The following COBLL1 variants were observed in gnomAD, a reference collection of about 807,000 sequenced individuals.
COBLL1 encodes cordon-bleu protein-like 1.
In COBLL1, 50 loss-of-function variants were observed where a neutral mutation model predicts 94.8. The observed-to-expected ratio is 0.53, with a 90% CI of 0.42 to 0.67. The LOEUF (loss-of-function observed/expected upper bound fraction) is 0.67. Among genes scored for constraint, COBLL1 ranks in the 30% least tolerant of loss-of-function variants. The pLI, the probability that COBLL1 is intolerant of heterozygous loss-of-function variation, is 0.00. For missense variants in COBLL1, 1,362 were observed against 1,348.7 expected, an observed-to-expected ratio of 1.01 and a Z score of -0.15; for synonymous variants, 448 against 473.8, an observed-to-expected ratio of 0.95 and a Z score of 0.71.
chr2:164,774,341 G>A (rs1285220776), intron 2 of COBLL1, among the ~76,000 whole-genome samples: 1 of 152,096 alleles, frequency 6.6e-6, no homozygotes, highest in Admixed American at 6.6e-5. Context: ...AATGGAAGCT[G>A]GTATTTCTGT....
At chr2:164,676,008 CT>C (rs1451168218), downstream of COBLL1, among the ~76,000 whole-genome samples, 14 of 152,216 alleles carry the variant, frequency 9.2e-5, no homozygotes, top group African/African-American at 3.1e-4. Context: ...GGAAAGAAAC[CT>C]GAAAAATAAT....
intron 13 of COBLL1, among the ~76,000 whole-genome samples, chr2:164,688,276 GA>G (rs1467422762): frequency 6.6e-6 from 1 of 152,094 alleles, no homozygotes; most frequent in Middle Eastern, 3.2e-3. Flanking sequence ...TTAAACACAA[GA>G]AGCCATCAAT....
At chr2:164,696,993 C>T (rs746006749) in intron 11 of COBLL1, 1 of 151,908 alleles carries the variant, frequency 6.6e-6, no homozygotes, top group African/African-American at 2.4e-5. Context: ...CCACTATTAC[C>T]TATAAGAATG....
At chr2:164,814,747 A>G (rs1684633281) in intron 2 of COBLL1, among the ~76,000 whole-genome samples, 1 of 152,188 alleles carries the variant, frequency 6.6e-6, no homozygotes, top group Non-Finnish European at 1.5e-5. Context: ...ATGTACATAC[A>G]AAATACCTCA....
chr2:164,702,876 C>T (rs947279177), intron 9 of COBLL1, among the ~76,000 whole-genome samples: 3 of 152,068 alleles, frequency 2.0e-5, no homozygotes, highest in African/African-American at 4.8e-5. Flanking sequence ...TAAAATTCTT[C>T]GGAACCACTG....
At chr2:164,722,637 A>C (rs1445979147) in intron 5 of COBLL1, 115 bp from the exon 6 acceptor site, 19 of 547,196 alleles carry the variant, frequency 3.5e-5, no homozygotes, top group Non-Finnish European at 5.1e-5. Flanking sequence ...GCTACTAATT[A>C]TAGTCTACAA....
At chr2:164,789,318 C>G (rs1486786843) in intron 2 of COBLL1, among the ~76,000 whole-genome samples, 1 of 151,986 alleles carries the variant, frequency 6.6e-6, no homozygotes, top group Non-Finnish European at 1.5e-5. Flanking sequence ...AATGACCTGG[C>G]CAGTAGATGG....
intron 2 of COBLL1, among the ~76,000 whole-genome samples, chr2:164,791,268 T>A (rs1245154333): frequency 6.6e-6 from 1 of 152,220 alleles, no homozygotes; most frequent in Non-Finnish European, 1.5e-5. Flanking sequence ...AAATACTTTT[T>A]AAAAAGTTAC....
At chr2:164,804,823 G>C (rs1684006031) in intron 2 of COBLL1, among the ~76,000 whole-genome samples, 1 of 152,154 alleles carries the variant, frequency 6.6e-6, no homozygotes, top group South Asian at 2.1e-4. Flanking sequence ...TCCTAGTGCA[G>C]CTCAAATCGA....
chr2:164,743,453 G>T (rs1000745815), intron 3 of COBLL1: 4 of 397,168 alleles, frequency 1.0e-5, no homozygotes, highest in Non-Finnish European at 1.8e-5. Context: ...ATATGAAAGG[G>T]TTCCAAATTT....
At position 164,770,679 on chromosome 2, in the gene COBLL1, A is replaced by G. The variant is rs535106088; in HGVS notation, c.42-26804T>C. ...CTCCCAGAAACAAGAAGAGGAAATGACAAAGAAATATACAGTAGTCTCATT... is the reference window on the plus strand; with the variant it reads ...CTCCCAGAAACAAGAAGAGGAAATGGCAAAGAAATATACAGTAGTCTCATT... On this transcript the variant is annotated intron_variant, in intron 2 of 13. Coordinates refer to ENST00000652658, the MANE Select transcript of COBLL1 (RefSeq NM_001365672.2). Among the ~76,000 whole-genome samples the G allele has an allele frequency of 4.2e-4, 64 of 152,306 alleles. 1 individual carries two copies. The highest frequency in any genetic ancestry group is 1.5e-3 in the African/African-American group (62 of 41,580).
intron 2 of COBLL1, among the ~76,000 whole-genome samples, chr2:164,777,331 TACACAC>T (rs72061846): frequency 0.13 from 19,162 of 149,118 alleles, 1,723 homozygotes; most frequent in African/African-American, 0.27. Flanking sequence ...AATCATGAGT[TACACAC>T]ACACACACAC....
intron 2 of COBLL1, among the ~76,000 whole-genome samples, chr2:164,748,164 A>T (rs1326946914): frequency 6.6e-6 from 1 of 152,176 alleles, no homozygotes; most frequent in Non-Finnish European, 1.5e-5. Context: ...TGATCCATAC[A>T]CATTAAATTT....
intron 2 of COBLL1, among the ~76,000 whole-genome samples, chr2:164,834,031 A>G (rs1683208772): frequency 6.6e-6 from 1 of 152,150 alleles, no homozygotes; most frequent in African/African-American, 2.4e-5. Flanking sequence ...TCTTTCTCTC[A>G]TACTTTTAGT....
rs1406770053 is a variant in COBLL1, at chr2:164,685,971, G to C, written c.3362C>G (p.Ser1121Cys). Residue 1121 changes from serine to cysteine, a missense_variant, in exon 14 of 14, where the codon TCC (serine) becomes TGC (cysteine). Ser to Cys is a moderately radical substitution (Grantham distance 112). Transcript: ENST00000652658. ...NGRSRLSHSM[S>C]PDAQDGH ...TTAATGGCCGTCCTGGGCATCAGGGGACATGGAATGGCTGAGTCTTGACCT... is the reference window on the plus strand; with the variant it reads ...TTAATGGCCGTCCTGGGCATCAGGGCACATGGAATGGCTGAGTCTTGACCT... 8 of 1,609,250 alleles carry C rather than the reference G, an allele frequency of 5.0e-6. No individual in the cohort carries two copies. Among genetic ancestry groups the C allele is most frequent in the Non-Finnish European group, 6.8e-6 (8 of 1,176,378 alleles).
intron 2 of COBLL1, among the ~76,000 whole-genome samples, chr2:164,664,620 C>T (rs1202562638): frequency 6.6e-6 from 1 of 152,136 alleles, no homozygotes; most frequent in African/African-American, 2.4e-5. Context: ...TACTATTCAA[C>T]CGTAAGACTA....
At chr2:164,801,115 T>C (rs540971560) in intron 2 of COBLL1, among the ~76,000 whole-genome samples, 4 of 151,806 alleles carry the variant, frequency 2.6e-5, no homozygotes, top group African/African-American at 7.2e-5. Context: ...CTGGGGAACA[T>C]AGTGAGATCT....
chr2:164,703,236 A>G lies in COBLL1; in HGVS notation c.1225+1208T>C, dbSNP rs753932564. The G allele has an allele frequency of 2.0e-5, 31 of 1,544,488 alleles. No homozygotes were observed. The Admixed American group carries it at 5.4e-4, about 27-fold the overall frequency. ...TGAAAGGTTTCTGCCAAAGAAGTAG[A>G]ATCTGTAGAAATGGCACTTAGACAA... On this transcript the variant is annotated intron_variant, in intron 9 of 13. Transcript: ENST00000652658.
rs202229252 is a variant in COBLL1, at chr2:164,781,355, G to A, written c.42-37480C>T. On this transcript the variant is annotated intron_variant, in intron 2 of 13. Coordinates refer to ENST00000652658, the MANE Select transcript of COBLL1 (RefSeq NM_001365672.2). ...GAGAGGCTGGAACAGTTTTGAGAAA[G>A]GCTGATAAAAATAAAATTGCTACTA... 7.2e-5 allele frequency among the ~76,000 whole-genome samples: 11 copies of A among 152,294 alleles called. No homozygotes were observed. In the East Asian group the frequency reaches 7.7e-4, roughly 11 times the overall value.
Sources: allele counts gnomAD v4.1 joint callset (sites outside exome capture counted in the v4.1 genomes callset), GRCh38; gene constraint gnomAD v4.1.1; transcripts MANE v1.5; gene names NCBI Gene and HGNC (gene_info 2026-07-23, HGNC 2026-07-21).